Variants in SOHLH2 observed in about 807,000 individuals in gnomAD.
SOHLH2 encodes the protein spermatogenesis- and oogenesis-specific basic helix-loop-helix-containing protein 2.
In SOHLH2, 22 loss-of-function variants were observed where a neutral mutation model predicts 50.4. The ratio of observed to expected loss-of-function variants is 0.44; its 90% CI spans 0.31 to 0.62. SOHLH2 has a LOEUF of 0.62. Among genes scored for constraint, SOHLH2 ranks in the 20% least tolerant of loss-of-function variants. The probability of loss-of-function intolerance (pLI) is 0.08; values close to 1 mark genes in which losing one functional copy is unlikely to be tolerated. For missense variants in SOHLH2, 412 were observed against 504.4 expected (o/e 0.82, Z 1.76); for synonymous variants, 185 against 187.3 (o/e 0.99, Z 0.10).
At chr13:36,194,206 C>T (rs1305263012) in intron 2 of SOHLH2, among the ~76,000 whole-genome samples, 1 of 151,498 alleles carries the variant, frequency 6.6e-6, no homozygotes, top group East Asian at 1.9e-4. Flanking sequence ...TTCTGTAAGA[C>T]AAATGACTCC....
intron 4 of SOHLH2, 107 bp downstream of exon 4, chr13:36,193,514 A>C: frequency 8.0e-7 from 1 of 1,251,936 alleles, no homozygotes; most frequent in African/African-American, 1.5e-5. Context: ...TAAAGAATAC[A>C]TATTTCTCCC....
chr13:36,192,030 G>A, intron 4 of SOHLH2, 136 bp from the exon 5 acceptor site: 1 of 979,428 alleles, frequency 1.0e-6, no homozygotes, highest in Non-Finnish European at 1.5e-6. Flanking sequence ...TTTTAAAACT[G>A]AAAGCAATTT....
At chr13:36,209,924 T>C (rs550818773) in intron 1 of SOHLH2, among the ~76,000 whole-genome samples, 17 of 152,170 alleles carry the variant, frequency 1.1e-4, no homozygotes, top group African/African-American at 4.1e-4. Flanking sequence ...GCAGGATGAG[T>C]GAAAGCAAAG....
At chr13:36,188,423 C>T (rs983400517) in intron 6 of SOHLH2, among the ~76,000 whole-genome samples, 1 of 152,188 alleles carries the variant, frequency 6.6e-6, no homozygotes, top group African/African-American at 2.4e-5. Context: ...ATCAAAATCT[C>T]GTACTTTACC....
At chr13:36,193,917 A>C in intron 2 of SOHLH2, 50 bp from the exon 3 acceptor site, 1 of 1,560,400 alleles carries the variant, frequency 6.4e-7, no homozygotes, top group Non-Finnish European at 8.7e-7. Flanking sequence ...TTATTCAAAA[A>C]ATTGAGATTC....
At chr13:36,173,249 T>C (rs941608068) in intron 9 of SOHLH2, among the ~76,000 whole-genome samples, 2 of 152,132 alleles carry the variant, frequency 1.3e-5, no homozygotes, top group African/African-American at 4.8e-5. Context: ...AAGTAAAGAA[T>C]AGCAGAAGGC....
chr13:36,172,920 G>A (rs542624390), intron 9 of SOHLH2, among the ~76,000 whole-genome samples: 4 of 152,178 alleles, frequency 2.6e-5, no homozygotes, highest in Non-Finnish European at 4.4e-5. Context: ...GTTTCTAGAC[G>A]GAGAGTAACT....
chr13:36,204,590 A>AGGGGTGTGTG (rs752959800), intron 1 of SOHLH2, among the ~76,000 whole-genome samples: 1 of 152,070 alleles, frequency 6.6e-6, no homozygotes, highest in Admixed American at 6.6e-5. Context: ...AATGCCAGGT[A>AGGGGTGTGTG]GGGGTGTGTG....
At chr13:36,193,423 C>T (rs1029661986) in intron 4 of SOHLH2, among the ~76,000 whole-genome samples, 198 bp downstream of exon 4, 1 of 152,232 alleles carries the variant, frequency 6.6e-6, no homozygotes, top group Non-Finnish European at 1.5e-5. Context: ...CCACCCAAAA[C>T]CCTGTGCCTA....
chr13:36,192,530 T>C (rs556520042), intron 4 of SOHLH2, among the ~76,000 whole-genome samples: 4 of 152,248 alleles, frequency 2.6e-5, no homozygotes, highest in African/African-American at 9.6e-5. Context: ...AAAAAGAACA[T>C]TAAAAAAGGA....
intron 1 of SOHLH2, among the ~76,000 whole-genome samples, chr13:36,211,493 T>A (rs984295611): frequency 6.6e-6 from 1 of 152,230 alleles, no homozygotes; most frequent in Non-Finnish European, 1.5e-5. Flanking sequence ...ATAGCCCTTT[T>A]CTCTGCTGAT....
chr13:36,185,336 G>A (rs367659978), intron 6 of SOHLH2, among the ~76,000 whole-genome samples: 25 of 151,986 alleles, frequency 1.6e-4, no homozygotes, highest in African/African-American at 6.0e-4. Context: ...GTGTGGTGGT[G>A]GACACCTGTA....
At chr13:36,188,737 C>G (rs1887495417) in intron 6 of SOHLH2, among the ~76,000 whole-genome samples, 1 of 152,176 alleles carries the variant, frequency 6.6e-6, no homozygotes, top group South Asian at 2.1e-4. Flanking sequence ...CCCATGGATT[C>G]CTTCTCTGCT....
chr13:36,192,236 C>G (rs541722872), intron 4 of SOHLH2, among the ~76,000 whole-genome samples: 1 of 152,258 alleles, frequency 6.6e-6, no homozygotes, highest in East Asian at 1.9e-4. Context: ...ACGCATGAGT[C>G]TTCAACAAGC....
At chr13:36,174,621 A>G (rs1887053084) in intron 7 of SOHLH2, 54 bp from the exon 8 acceptor site, 1 of 1,610,062 alleles carries the variant, frequency 6.2e-7, no homozygotes, top group Non-Finnish European at 8.5e-7. Flanking sequence ...ACATAGATAC[A>G]AAGACACATA....
intron 1 of SOHLH2, among the ~76,000 whole-genome samples, chr13:36,212,060 C>CT (rs1485560523): frequency 6.6e-6 from 1 of 152,162 alleles, no homozygotes; most frequent in African/African-American, 2.4e-5. Context: ...ATCTCTCGGC[C>CT]TTTTGGGGGG....
rs1887649403 is a variant in SOHLH2 at position 36,193,956 on chromosome 13, C to T, written c.264-89G>A. On this transcript the variant is annotated intron_variant, in intron 2 of 10. Coordinates refer to ENST00000379881, the MANE Select transcript of SOHLH2 (RefSeq NM_017826.3). Reference sequence around the variant, plus strand: ...AGTTTAGCTTATTAGGAACTAACTACAGTGATTTTCTTCATTTCTTTAGAA... The same window carrying T: ...AGTTTAGCTTATTAGGAACTAACTATAGTGATTTTCTTCATTTCTTTAGAA... The T allele has an allele frequency of 5.1e-6, 6 of 1,184,044 alleles. No individual in the cohort carries two copies. The African/African-American group carries it at 9.5e-5, about 19-fold the overall frequency. 73.3% of individuals were successfully genotyped at this position (1,184,044 alleles called of 1,614,324 possible).
At chr13:36,175,802 G>A (rs1887083068) in intron 6 of SOHLH2, among the ~76,000 whole-genome samples, 1 of 152,078 alleles carries the variant, frequency 6.6e-6, no homozygotes, top group South Asian at 2.1e-4. Flanking sequence ...GAGGAACTCT[G>A]GGGGCTCTGC....
intron 6 of SOHLH2, chr13:36,182,395 T>A: frequency 1.8e-6 from 1 of 565,310 alleles, no homozygotes; most frequent in Non-Finnish European, 2.2e-6. Flanking sequence ...CACTGGCCTG[T>A]GCCTGCTTTA....
Sources: allele counts gnomAD v4.1 joint callset (sites outside exome capture counted in the v4.1 genomes callset), GRCh38; gene constraint gnomAD v4.1.1; transcripts MANE v1.5; gene names NCBI Gene and HGNC (gene_info 2026-07-23, HGNC 2026-07-21).